The following CLVS1 variants were observed in gnomAD, a reference collection of about 807,000 sequenced individuals.
CLVS1 encodes the protein clavesin 1.
A neutral mutation model predicts 33.1 loss-of-function variants in CLVS1; 10 were observed. That is an observed-to-expected ratio of 0.30 (90% CI 0.19 to 0.51). The LOEUF (loss-of-function observed/expected upper bound fraction) is 0.51. Among genes scored for constraint, CLVS1 ranks in the 20% least tolerant of loss-of-function variants. CLVS1 has a pLI of 0.97. For synonymous variants in CLVS1, 163 were observed against 166.1 expected (o/e 0.98, Z 0.14); for missense variants, 343 against 433.4 (o/e 0.79, Z 1.85).
At chr8:61,092,744 A>G (rs1805272385) in intron 1 of CLVS1, among the ~76,000 whole-genome samples, 1 of 152,244 alleles carries the variant, frequency 6.6e-6, no homozygotes, top group African/African-American at 2.4e-5. Context: ...ATAATCCATG[A>G]TGATGTTTCC....
chr8:61,390,623 C>A (rs1814264511), intron 3 of CLVS1, among the ~76,000 whole-genome samples: 2 of 152,164 alleles, frequency 1.3e-5, no homozygotes. Flanking sequence ...CTTTTTGTTT[C>A]AGTTTGCTTT....
chr8:61,047,662 A>G, the CLVS1 span, among the ~76,000 whole-genome samples: 1 of 152,192 alleles, frequency 6.6e-6, no homozygotes. Flanking sequence ...TGAAATTGGA[A>G]ATCATCATTC....
At chr8:61,486,162 A>C (rs988690738) in intron 5 of CLVS1, among the ~76,000 whole-genome samples, 6 of 152,088 alleles carry the variant, frequency 3.9e-5, no homozygotes, top group Admixed American at 2.0e-4. Context: ...CAGTGGGGTC[A>C]GAGGGAATGG....
chr8:61,433,154 A>G (rs143282151), intron 3 of CLVS1, among the ~76,000 whole-genome samples: 222 of 152,332 alleles, frequency 1.5e-3, no homozygotes, highest in African/African-American at 4.8e-3. Flanking sequence ...GTGTTTCACC[A>G]TGTTGCCCAG....
chr8:61,157,439 T>C (rs546044929), intron 2 of CLVS1, among the ~76,000 whole-genome samples: 16 of 152,176 alleles, frequency 1.1e-4, no homozygotes, highest in Non-Finnish European at 2.4e-4. Context: ...ATAAAGCTAC[T>C]GGAATAAAAT....
chr8:60,992,523 C>A, the CLVS1 span, among the ~76,000 whole-genome samples: 1 of 152,264 alleles, frequency 6.6e-6, no homozygotes, highest in African/African-American at 2.4e-5. Context: ...AGGTCTCCCT[C>A]GAATCAATGT....
Position 61,232,023 on chromosome 8 carries a change from G to GTTTGTTTGTTTGTTTTTTTTTTT in CLVS1, c.-151-67651_-151-67650insGTTTGTTTGTTTTTTTTTTTTTT. On this transcript the variant is annotated intron_variant, in intron 2 of 2. Coordinates refer to the CLVS1 transcript ENST00000522621. ...AGAAGGAGCCCTGAGGAAAGTTGTG[G>GTTTGTTTGTTTGTTTTTTTTTTT]TTTTTTTTTTTTTTTTTTTTTTTTT... Among the ~76,000 whole-genome samples, 10 of 62,626 alleles carry GTTTGTTTGTTTGTTTTTTTTTTT rather than the reference G, an allele frequency of 1.6e-4. 2 individuals carry two copies. The highest frequency in any genetic ancestry group is 4.3e-4 in the African/African-American group (9 of 21,092). 41.1% of individuals were successfully genotyped at this position (62,626 alleles called of 152,430 possible). A position where few individuals can be genotyped will look rare whatever the true frequency, so the allele number is the denominator to read the frequency against.
the CLVS1 span, among the ~76,000 whole-genome samples, chr8:61,015,894 T>A: frequency 1.3e-5 from 2 of 152,290 alleles, no homozygotes; most frequent in Non-Finnish European, 1.5e-5. Flanking sequence ...ATCTGACCCC[T>A]AAGACTGGCC....
chr8:61,100,050 C>A (rs988766622), intron 1 of CLVS1, among the ~76,000 whole-genome samples: 16 of 152,154 alleles, frequency 1.1e-4, no homozygotes, highest in African/African-American at 3.9e-4. Context: ...TTTCACTCTC[C>A]AAAGGTGTTA....
intron 2 of CLVS1, among the ~76,000 whole-genome samples, chr8:61,331,246 A>C (rs1811579681): frequency 6.6e-6 from 1 of 151,956 alleles, no homozygotes; most frequent in African/African-American, 2.4e-5. Context: ...TTGGTCCTTC[A>C]CACAGAATGT....
At chr8:61,489,808 G>C (rs534180419) in intron 5 of CLVS1, among the ~76,000 whole-genome samples, 1 of 152,312 alleles carries the variant, frequency 6.6e-6, no homozygotes, top group South Asian at 2.1e-4. Flanking sequence ...GTGCTGCTTA[G>C]AATTGTGGTG....
chr8:61,119,428 G>A (rs1805810413), intron 1 of CLVS1, among the ~76,000 whole-genome samples: 1 of 147,784 alleles, frequency 6.8e-6, no homozygotes, highest in African/African-American at 2.5e-5. Context: ...ATGTTAGCTG[G>A]TTATTTTGCT....
chr8:61,089,045 G>A lies in CLVS1; in HGVS notation c.-243+31815G>A, dbSNP rs996738405. Among the ~76,000 whole-genome samples the A allele has an allele frequency of 5.3e-5, 8 of 152,142 alleles. No individual in the cohort carries two copies. In the East Asian group the frequency reaches 1.4e-3, roughly 26 times the overall value. On this transcript the variant is annotated intron_variant, in intron 1 of 2. Transcript: ENST00000522621. ...TCTCAATCTCCTGACCTCGTGATCT[G>A]CCCGCCTCGTCCTCCCGAAGTGCTG...
At chr8:61,229,116 C>A (rs1369580025) in intron 2 of CLVS1, among the ~76,000 whole-genome samples, 1 of 152,188 alleles carries the variant, frequency 6.6e-6, no homozygotes, top group Non-Finnish European at 1.5e-5. Context: ...ACCTCTTGGT[C>A]ATTTGACTGT....
chr8:61,481,960 C>A (rs898699904), intron 5 of CLVS1, among the ~76,000 whole-genome samples: 1 of 152,228 alleles, frequency 6.6e-6, no homozygotes, highest in Non-Finnish European at 1.5e-5. Flanking sequence ...TAGGGGCCGA[C>A]TGACACCTCA....
intron 2 of CLVS1, among the ~76,000 whole-genome samples, chr8:61,148,911 G>A (rs570298050): frequency 3.0e-4 from 46 of 152,282 alleles, no homozygotes; most frequent in African/African-American, 1.1e-3. Flanking sequence ...AAAGAGGACT[G>A]GAAATATGTT....
chr8:61,403,956 C>T (rs1331093877), intron 3 of CLVS1, among the ~76,000 whole-genome samples: 1 of 152,168 alleles, frequency 6.6e-6, no homozygotes, highest in African/African-American at 2.4e-5. Context: ...ACAGTAGGAG[C>T]TATTTGGCTA....
chr8:61,156,053 A>G (rs937876484), intron 2 of CLVS1, among the ~76,000 whole-genome samples: 5 of 152,066 alleles, frequency 3.3e-5, no homozygotes, highest in African/African-American at 4.8e-5. Context: ...GTCTCTACTA[A>G]AAGTACAAAA....
At chr8:61,234,342 C>A (rs914763753) in intron 2 of CLVS1, among the ~76,000 whole-genome samples, 3 of 152,190 alleles carry the variant, frequency 2.0e-5, no homozygotes, top group Non-Finnish European at 4.4e-5. Flanking sequence ...GCACAGGAGG[C>A]TGTATCCCCT....
Sources: gnomAD v4.1 joint callset for allele counts (sites outside exome capture counted in the v4.1 genomes callset) on GRCh38, gnomAD v4.1.1 for gene constraint, MANE v1.5 for transcripts, NCBI Gene and HGNC (gene_info 2026-07-23, HGNC 2026-07-21) for gene names.